Variants in DGCR2 observed in about 807,000 individuals in gnomAD.
The protein encoded by DGCR2 is DiGeorge syndrome critical region gene 2.
A neutral mutation model predicts 51.6 loss-of-function variants in DGCR2; 24 were observed. The observed-to-expected ratio is 0.47, with a 90% CI of 0.34 to 0.65. DGCR2 has a LOEUF of 0.65. Ranked by LOEUF, DGCR2 falls within the 30% of genes least tolerant of loss-of-function variation. The probability of loss-of-function intolerance (pLI) is 0.01; values close to 1 mark genes in which losing one functional copy is unlikely to be tolerated. For synonymous variants in DGCR2, 340 were observed against 315.4 expected (o/e 1.08, Z -0.82); for missense variants, 765 against 772.1 (o/e 0.99, Z 0.11).
In DGCR2 at chr22:19,063,236, G is replaced by A. The variant is rs774940100; in HGVS notation, c.591C>T (p.Arg197=). ...CCACCTCCCAGCGACCTTCCAAGGA[G>A]CGGTTCCGGCCAGTGATAACATACT... is the stretch of plus-strand genomic sequence containing the variant. The part of the protein sequence containing the change: ...GYQYVITGRN[R]SLEGRWEVAF... Residue 197 remains arginine, a synonymous_variant, in exon 5 of 10, where the codon CGC becomes CGT. Transcript: ENST00000263196. 3 of 1,614,214 alleles carry A rather than the reference G, an allele frequency of 1.9e-6. No individual in the cohort carries two copies. Among genetic ancestry groups the A allele is most frequent in the East Asian group, 2.2e-5 (1 of 44,880 alleles).
chr22:19,117,621 A>C (rs2083386966), intron 1 of DGCR2, among the ~76,000 whole-genome samples: 2 of 152,264 alleles, frequency 1.3e-5, no homozygotes, highest in Non-Finnish European at 2.9e-5. Context: ...ACAGATATGC[A>C]CATACACATG....
intron 1 of DGCR2, among the ~76,000 whole-genome samples, chr22:19,116,673 A>T (rs807744): frequency 0.33 from 50,914 of 152,012 alleles, 9,378 homozygotes; most frequent in African/African-American, 0.49. Context: ...GTCAAGAGCT[A>T]TCTACGGGGT....
At chr22:19,074,984 C>T (rs1178427875) in intron 2 of DGCR2, among the ~76,000 whole-genome samples, 1 of 152,178 alleles carries the variant, frequency 6.6e-6, no homozygotes, top group Admixed American at 6.5e-5. Context: ...CCAGTCCCTT[C>T]CAATCCAAGG....
At chr22:19,118,398 A>G (rs994186566) in intron 1 of DGCR2, among the ~76,000 whole-genome samples, 1 of 144,844 alleles carries the variant, frequency 6.9e-6, no homozygotes, top group African/African-American at 2.5e-5. Flanking sequence ...AAAAAAAAAA[A>G]CAACTCTGGA....
chr22:19,066,445 AAAC>A (rs1198629261), intron 3 of DGCR2, among the ~76,000 whole-genome samples: 5 of 152,246 alleles, frequency 3.3e-5, no homozygotes, highest in East Asian at 1.9e-4. Context: ...AAAAAAAACA[AAAC>A]AACAATAAAA....
At chr22:19,078,179 T>C (rs779283846) in intron 2 of DGCR2, among the ~76,000 whole-genome samples, 2 of 152,246 alleles carry the variant, frequency 1.3e-5, no homozygotes, top group Non-Finnish European at 2.9e-5. Flanking sequence ...TTTCAGTCTT[T>C]CATGTGTACT....
intron 2 of DGCR2, among the ~76,000 whole-genome samples, chr22:19,083,689 TCTCCCCC>T (rs1569070435): frequency 1.2e-5 from 1 of 81,374 alleles, no homozygotes; most frequent in African/African-American, 4.6e-5. Flanking sequence ...TCCCTCTCCC[TCTCCCCC>T]CTCCCCCTCC....
At chr22:19,079,540 G>T (rs1055978122) in intron 2 of DGCR2, among the ~76,000 whole-genome samples, 23 of 152,186 alleles carry the variant, frequency 1.5e-4, no homozygotes, top group African/African-American at 5.5e-4. Context: ...ACCAATGTCA[G>T]AATACATTTT....
chr22:19,051,186 CACAAAAA>C (rs2082544594), intron 6 of DGCR2, among the ~76,000 whole-genome samples: 1 of 34,592 alleles, frequency 2.9e-5, no homozygotes, highest in Non-Finnish European at 5.2e-5. Flanking sequence ...GAAATTCTGT[CACAAAAA>C]AAAAAAAAAA....
chr22:19,094,272 G>C (rs775569830), intron 1 of DGCR2, among the ~76,000 whole-genome samples: 1 of 151,988 alleles, frequency 6.6e-6, no homozygotes, highest in East Asian at 2.0e-4. Context: ...TACCAAAAAC[G>C]CAAAAATTAG....
Position 19,038,650 on chromosome 22 carries a change from A to G in DGCR2, c.*215T>C, listed in dbSNP as rs565828062. On this transcript the variant is annotated 3_prime_UTR_variant, in exon 10 of 10. Coordinates refer to ENST00000263196, the MANE Select transcript of DGCR2 (RefSeq NM_005137.3). ...AGAAGACAGTGATCCAAAGCTATGC[A>G]TGTTTCTGAAGCCCTCAAGGAAGCT... 1.5e-5 allele frequency: 9 copies of G among 603,616 alleles called. No individual in the cohort carries two copies. The highest frequency in any genetic ancestry group is 9.8e-5 in the Admixed American group (3 of 30,532). The allele number at this position is 603,616 out of a possible 1,614,324, so 37.4% of individuals were successfully genotyped here.
At chr22:19,081,845 G>C (rs943554176) in intron 2 of DGCR2, among the ~76,000 whole-genome samples, 3 of 152,202 alleles carry the variant, frequency 2.0e-5, no homozygotes, top group Non-Finnish European at 4.4e-5. Context: ...CATCTGTAAA[G>C]TGGTATCTCA....
intron 3 of DGCR2, among the ~76,000 whole-genome samples, chr22:19,067,282 G>A (rs2082760542): frequency 6.6e-6 from 1 of 152,194 alleles, no homozygotes; most frequent in Non-Finnish European, 1.5e-5. Flanking sequence ...GAGAGGGTCT[G>A]CTCAGGGCCA....
intron 1 of DGCR2, among the ~76,000 whole-genome samples, chr22:19,095,013 C>T (rs115529599): frequency 2.2e-3 from 335 of 152,284 alleles, no homozygotes; most frequent in Middle Eastern, 0.01. Flanking sequence ...GGTGACGATA[C>T]GCTGTGTTTG....
At chr22:19,088,487 G>A (rs1270405415) in intron 2 of DGCR2, among the ~76,000 whole-genome samples, 1 of 152,204 alleles carries the variant, frequency 6.6e-6, no homozygotes, top group Non-Finnish European at 1.5e-5. Context: ...GTGGGCACAA[G>A]AAACAGCCCA....
intron 2 of DGCR2, among the ~76,000 whole-genome samples, chr22:19,082,586 C>T (rs2082952138): frequency 6.6e-6 from 1 of 151,782 alleles, no homozygotes; most frequent in African/African-American, 2.4e-5. Flanking sequence ...CCCGTCTCTA[C>T]TAAAAATACA....
rs2082381310 is a variant in DGCR2, at chr22:19,037,360, CCA to C, written c.*1503_*1504del. On this transcript the variant is annotated 3_prime_UTR_variant, in exon 10 of 10. Transcript: ENST00000263196. ...TGGGATGGAAAAAATGGGTCTCCAG[CCA>C]CAGTGTGAGAATGTGTCAAGAAGTG... 2 of 152,290 alleles carry C rather than the reference CCA, an allele frequency of 1.3e-5. No individual in the cohort carries two copies. Among genetic ancestry groups the C allele is most frequent in the African/African-American group, 2.4e-5 (1 of 41,456 alleles). 9.4% of individuals were successfully genotyped at this position (152,290 alleles called of 1,614,324 possible).
intron 1 of DGCR2, among the ~76,000 whole-genome samples, chr22:19,117,279 C>T (rs1233091698): frequency 1.3e-5 from 2 of 152,260 alleles, no homozygotes; most frequent in African/African-American, 4.8e-5. Context: ...GCAGCGAAGG[C>T]GCAGCCTAAC....
intron 2 of DGCR2, among the ~76,000 whole-genome samples, chr22:19,075,085 T>C (rs2082860163): frequency 6.6e-6 from 1 of 152,066 alleles, no homozygotes; most frequent in Admixed American, 6.6e-5. Flanking sequence ...TTAAGGAATT[T>C]GTATTAATCA....
Sources: gnomAD v4.1 joint callset for allele counts (sites outside exome capture counted in the v4.1 genomes callset) on GRCh38, gnomAD v4.1.1 for gene constraint, MANE v1.5 for transcripts, NCBI Gene and HGNC (gene_info 2026-07-23, HGNC 2026-07-21) for gene names.